The following PCDHGB2 variants were observed in gnomAD, a reference collection of about 807,000 sequenced individuals.
PCDHGB2 encodes protocadherin gamma-B2.
PCDHGB2 carries 55 observed loss-of-function variants against 59.3 expected under a neutral mutation model. The ratio of observed to expected loss-of-function variants is 0.93; its 90% CI spans 0.75 to 1.16. The LOEUF (loss-of-function observed/expected upper bound fraction) is 1.16. PCDHGB2 is among the 50% of genes most tolerant of loss of function. PCDHGB2 has a pLI of 0.00. For synonymous variants in PCDHGB2, 516 were observed against 512.0 expected, an observed-to-expected ratio of 1.01 and a Z score of -0.11; for missense variants, 1,228 against 1,198.5, an observed-to-expected ratio of 1.02 and a Z score of -0.36.
chr5:141,365,654 G>C (rs952946348), intron 1 of PCDHGB2: 3 of 1,613,496 alleles, frequency 1.9e-6, no homozygotes, highest in Non-Finnish European at 1.7e-6. Flanking sequence ...CCCCTTGAAA[G>C]TAGCAGACGT....
chr5:141,439,638 C>T (rs1256973189), intron 1 of PCDHGB2, among the ~76,000 whole-genome samples: 2 of 152,184 alleles, frequency 1.3e-5, no homozygotes, highest in African/African-American at 4.8e-5. Context: ...GACATTCCGG[C>T]TTGGTGGCTT....
chr5:141,371,233 C>T lies in PCDHGB2; in HGVS notation c.2421+8677C>T, dbSNP rs773899616. 4 of 1,613,864 alleles carry T rather than the reference C, an allele frequency of 2.5e-6. No individual in the cohort carries two copies. The Admixed American group carries it at 5.0e-5, about 20-fold the overall frequency. ...GGCATCAATGCCGAAATCATCTATG[C>T]CTTCATCAATATTGGCAAGGAAGTG... On this transcript the variant is annotated intron_variant, in intron 1 of 3. Transcript: ENST00000522605.
chr5:141,509,157 C>T lies in PCDHGB2; in HGVS notation c.2570-1790C>T, dbSNP rs369133984. Among the ~76,000 whole-genome samples the T allele has an allele frequency of 2.6e-4, 40 of 152,314 alleles. No individual in the cohort carries two copies. In the South Asian group the frequency reaches 7.0e-3, roughly 27 times the overall value. On this transcript the variant is annotated intron_variant, in intron 3 of 3. Transcript: ENST00000522605. The stretch of plus-strand genomic sequence containing the variant: ...GAGGCGCATCCCGGCTCTCCCCTCC[C>T]GTGTGCCCTCCTCCTCTTATGCCGG...
chr5:141,410,631 C>CT (rs768462511), intron 1 of PCDHGB2: 26 of 1,600,818 alleles, frequency 1.6e-5, no homozygotes, highest in Non-Finnish European at 2.2e-5. Context: ...GTGAGTTTCT[C>CT]TTTTTTGTGT....
intron 1 of PCDHGB2, chr5:141,389,589 G>C (rs780685929): frequency 8.1e-6 from 13 of 1,613,168 alleles, no homozygotes; most frequent in Non-Finnish European, 1.1e-5. Context: ...GGGTCCCGAC[G>C]GCTCTGCGCT....
At position 141,432,379 on chromosome 5, in the gene PCDHGB2, G is replaced by A; in HGVS notation, c.2422-62428G>A. On this transcript the variant is annotated intron_variant, in intron 1 of 3. Transcript: ENST00000522605. The surrounding 1 kb of genome is among the most constrained non-coding windows in gnomAD (Gnocchi z 6.0). ...TGATGGCGCGGGACAACGGGCACCC[G>A]CCCCTCAGCAGCAACGTGTCGTTGA... 1.2e-6 allele frequency: 2 copies of A among 1,614,208 alleles called. No homozygotes were observed. The highest frequency in any genetic ancestry group is 1.7e-6 in the Non-Finnish European group (2 of 1,180,038).
rs775299266 is a variant in PCDHGB2, at chr5:141,432,192, AC to A, written c.2422-62611del. On this transcript the variant is annotated intron_variant, in intron 1 of 3. Transcript: ENST00000522605. The surrounding 1 kb of genome is among the most constrained non-coding windows in gnomAD (Gnocchi z 6.0). ...TCCCTCGTCTCTGTGACCGCCCACG[AC>A]CCCGACTGTGAAGAGAACGCCCAGA... 5 of 1,613,812 alleles carry A rather than the reference AC, an allele frequency of 3.1e-6. No individual in the cohort carries two copies. Among genetic ancestry groups the A allele is most frequent in the Non-Finnish European group, 4.2e-6 (5 of 1,179,996 alleles).
At chr5:141,445,300 TCA>T (rs1443961962) in intron 1 of PCDHGB2, among the ~76,000 whole-genome samples, 1 of 152,202 alleles carries the variant, frequency 6.6e-6, no homozygotes, top group Non-Finnish European at 1.5e-5. Flanking sequence ...TCCATTCTCT[TCA>T]GTTTGTAGGT....
In PCDHGB2 at chr5:141,486,499, C is replaced by G. The variant is rs1487201957; in HGVS notation, c.2422-8308C>G. 2 of 1,614,010 alleles carry G rather than the reference C, an allele frequency of 1.2e-6. No homozygotes were observed. Among genetic ancestry groups the G allele is most frequent in the Non-Finnish European group, 1.7e-6 (2 of 1,179,874 alleles). On this transcript the variant is annotated intron_variant, in intron 1 of 3. Coordinates refer to ENST00000522605, the MANE Select transcript of PCDHGB2 (RefSeq NM_018923.3). This position sits in a 1 kb window ranked among gnomAD's most constrained non-coding sequence, Gnocchi z 5.0. ...CTCTCAGTACCCACAGAACTATTTT[C>G]CTCAATATTTCAGATGTGAATGATA...
intron 1 of PCDHGB2, among the ~76,000 whole-genome samples, chr5:141,467,789 G>A (rs1264350552): frequency 6.6e-6 from 1 of 152,066 alleles, no homozygotes; most frequent in Non-Finnish European, 1.5e-5. Context: ...CTCTCAAGTA[G>A]CTGGGACTAC....
Position 141,400,095 on chromosome 5 carries a change from G to A in PCDHGB2, c.2421+37539G>A, listed in dbSNP as rs6873830. ...CGCCACTCTCCGCCACCGCCACGCT[G>A]CACTTGGTCTTTGCTGACAGCTTGC... On this transcript the variant is annotated intron_variant, in intron 1 of 3. Coordinates refer to ENST00000522605, the MANE Select transcript of PCDHGB2 (RefSeq NM_018923.3). 3.0e-3 allele frequency: 4,838 copies of A among 1,614,064 alleles called. 144 individuals are homozygous for A. The African/African-American group carries it at 0.056, about 19-fold the overall frequency.
chr5:141,440,572 GT>G (rs1233263525), intron 1 of PCDHGB2: 1 of 152,200 alleles, frequency 6.6e-6, no homozygotes, highest in Non-Finnish European at 1.5e-5. Context: ...GTATCTCTGA[GT>G]TTACCCAGCT....
rs1329158220 is a variant in PCDHGB2, at chr5:141,413,339, A to G, written c.2421+50783A>G. On this transcript the variant is annotated intron_variant, in intron 1 of 3. Coordinates refer to ENST00000522605, the MANE Select transcript of PCDHGB2 (RefSeq NM_018923.3). Reference sequence around the variant, plus strand: ...TCTTTCGTGGGCAACATCTCCAAGGACTTGGGTCTGGCGCCCCGGGAGCTG... The same window carrying G: ...TCTTTCGTGGGCAACATCTCCAAGGGCTTGGGTCTGGCGCCCCGGGAGCTG... The G allele has an allele frequency of 1.3e-5, 21 of 1,613,832 alleles. No individual in the cohort carries two copies. Among genetic ancestry groups the G allele is most frequent in the African/African-American group, 2.7e-5 (2 of 74,940 alleles).
chr5:141,419,700 C>T, intron 1 of PCDHGB2: 2 of 1,612,974 alleles, frequency 1.2e-6, no homozygotes, highest in Non-Finnish European at 1.7e-6. Context: ...GCCAGTGAGC[C>T]CGGGCTCTTC....
intron 1 of PCDHGB2, chr5:141,393,429 G>GCAA (rs761074463): frequency 2.5e-6 from 4 of 1,613,910 alleles, no homozygotes; most frequent in South Asian, 1.1e-5. Flanking sequence ...GGAGGAAGAG[G>GCAA]CTGCTCACCA....
chr5:141,425,500 T>C (rs2096879850), intron 1 of PCDHGB2, among the ~76,000 whole-genome samples: 1 of 152,246 alleles, frequency 6.6e-6, no homozygotes, highest in South Asian at 2.1e-4. Context: ...GCTATACCTT[T>C]ATATTCTCTT....
intron 1 of PCDHGB2, among the ~76,000 whole-genome samples, chr5:141,447,805 G>A (rs1389870133): frequency 2.0e-5 from 3 of 152,064 alleles, no homozygotes; most frequent in Admixed American, 2.0e-4. Context: ...AATAAAATTG[G>A]CTGGGCGTGG....
rs2099748032 is a variant in PCDHGB2 at position 141,493,397 on chromosome 5, G to A, written c.2422-1410G>A. ...TTAAAAGCTTGAGGACAGGAGAGGG[G>A]AGTTGCCTCTGCTGGGATTTTGCTT... On this transcript the variant is annotated intron_variant, in intron 1 of 3. Coordinates refer to ENST00000522605, the MANE Select transcript of PCDHGB2 (RefSeq NM_018923.3). This position sits in a 1 kb window ranked among gnomAD's most constrained non-coding sequence, Gnocchi z 4.3. Among the ~76,000 whole-genome samples the A allele has an allele frequency of 6.6e-6, 1 of 152,176 alleles. No individual in the cohort carries two copies. Among genetic ancestry groups the A allele is most frequent in the Non-Finnish European group, 1.5e-5 (1 of 68,040 alleles).
rs1179144705 is a variant in PCDHGB2, at chr5:141,360,831, C to T, written c.696C>T (p.Val232=). The T allele has an allele frequency of 6.2e-7, 1 of 1,613,838 alleles. No individual in the cohort carries two copies. The part of the protein sequence containing the change: ...QSGTTQIRIK[V]TDANDNPPVF... ...GCACGACCCAAATCCGAATCAAAGTCACGGATGCCAACGATAACCCTCCAG... is the reference window on the plus strand; with the variant it reads ...GCACGACCCAAATCCGAATCAAAGTTACGGATGCCAACGATAACCCTCCAG... Residue 232 remains valine, a synonymous_variant, in exon 1 of 4, where the codon GTC becomes GTT. Coordinates refer to ENST00000522605, the MANE Select transcript of PCDHGB2 (RefSeq NM_018923.3).
Sources: gnomAD v4.1 joint callset for allele counts (sites outside exome capture counted in the v4.1 genomes callset) on GRCh38, gnomAD v4.1.1 for gene constraint, Gnocchi (gnomAD v3.1) non-coding constraint, MANE v1.5 for transcripts, NCBI Gene and HGNC (gene_info 2026-07-23, HGNC 2026-07-21) for gene names.